The following SLC24A3 variants were observed in gnomAD, a reference collection of about 807,000 sequenced individuals.
SLC24A3 encodes solute carrier family 24 member 3.
In SLC24A3, 28 loss-of-function variants were observed where a neutral mutation model predicts 75.8. The ratio of observed to expected loss-of-function variants is 0.37; its 90% CI spans 0.27 to 0.51. SLC24A3 has a LOEUF of 0.51. Ranked by LOEUF, SLC24A3 falls within the 20% of genes least tolerant of loss-of-function variation. The pLI is 0.94. For synonymous variants in SLC24A3, 372 were observed against 334.1 expected, an observed-to-expected ratio of 1.11 and a Z score of -1.24; for missense variants, 663 against 847.8, an observed-to-expected ratio of 0.78 and a Z score of 2.71.
chr20:19,541,970 G>A (rs1272981185), intron 3 of SLC24A3, among the ~76,000 whole-genome samples: 2 of 152,170 alleles, frequency 1.3e-5, no homozygotes, highest in Non-Finnish European at 2.9e-5. Flanking sequence ...CTCAGCTCCT[G>A]CCCTTCCAGG....
chr20:19,498,756 A>G (rs1449175257), intron 2 of SLC24A3, among the ~76,000 whole-genome samples: 1 of 152,222 alleles, frequency 6.6e-6, no homozygotes, highest in Non-Finnish European at 1.5e-5. Context: ...CTCCCCCACC[A>G]AAAATGAAGA....
At chr20:19,515,619 G>T (rs1391971001) in intron 3 of SLC24A3, 55 bp downstream of exon 3, 1 of 1,578,060 alleles carries the variant, frequency 6.3e-7, no homozygotes, top group African/African-American at 1.3e-5. Flanking sequence ...GCCTAGGGGT[G>T]TGGGGTGTGG....
At chr20:19,683,458 A>G (rs184399490) in intron 10 of SLC24A3, among the ~76,000 whole-genome samples, 18 of 152,330 alleles carry the variant, frequency 1.2e-4, no homozygotes, top group Admixed American at 7.8e-4. Context: ...CTGGTGAACT[A>G]TCACACAAGA....
At chr20:19,464,094 C>G (rs1987724168) in intron 2 of SLC24A3, among the ~76,000 whole-genome samples, 1 of 152,222 alleles carries the variant, frequency 6.6e-6, no homozygotes, top group South Asian at 2.1e-4. Flanking sequence ...TCAGTAGAAC[C>G]TGGAGAAAGG....
At chr20:19,534,973 T>C (rs1489025104) in intron 3 of SLC24A3, among the ~76,000 whole-genome samples, 1 of 152,254 alleles carries the variant, frequency 6.6e-6, no homozygotes, top group East Asian at 1.9e-4. Context: ...GCAGGGTTTC[T>C]CACAAACTTT....
chr20:19,615,779 G>A lies in SLC24A3; in HGVS notation c.612+30235G>A, dbSNP rs187969426. 2.8e-3 allele frequency among the ~76,000 whole-genome samples: 422 copies of A among 152,266 alleles called. 1 individual carries two copies. Among genetic ancestry groups the A allele is most frequent in the Non-Finnish European group, 4.4e-3 (297 of 68,026 alleles). ...CTGTTCCTCCTGCCCTTGGACATCA[G>A]ACTCCAGGTTCTTTGGCCTTTGGAC... On this transcript the variant is annotated intron_variant, in intron 6 of 16. Transcript: ENST00000328041.
At chr20:19,488,263 G>T (rs1177532526) in intron 2 of SLC24A3, among the ~76,000 whole-genome samples, 5 of 152,200 alleles carry the variant, frequency 3.3e-5, no homozygotes, top group African/African-American at 1.2e-4. Context: ...TTGGAGCAGG[G>T]ACTTGGCCCT....
chr20:19,664,780 T>C (rs1357761400), intron 7 of SLC24A3, among the ~76,000 whole-genome samples: 2 of 152,234 alleles, frequency 1.3e-5, no homozygotes, highest in Non-Finnish European at 2.9e-5. Context: ...CTTCAGGAGT[T>C]TGAGAAGAAA....
At chr20:19,334,201 G>A (rs571024203) in intron 2 of SLC24A3, among the ~76,000 whole-genome samples, 2 of 152,302 alleles carry the variant, frequency 1.3e-5, no homozygotes, top group South Asian at 2.1e-4. Context: ...AAGGTCCTGA[G>A]AGCCAGACTG....
intron 2 of SLC24A3, among the ~76,000 whole-genome samples, chr20:19,511,560 CT>C (rs1988538516): frequency 6.6e-6 from 1 of 152,166 alleles, no homozygotes; most frequent in Admixed American, 6.5e-5. Flanking sequence ...ATCTCCTGAC[CT>C]TGTGATCCGC....
Position 19,278,207 on chromosome 20 carries a change from A to G in SLC24A3, c.143-2752A>G, listed in dbSNP as rs560848360. ...CTTCAACCAATGTTAGACTAGGAGT[A>G]GGTGGATGAATACCTAAGCTTCCTC... On this transcript the variant is annotated intron_variant, in intron 1 of 16. Transcript: ENST00000328041. Among the ~76,000 whole-genome samples, 3 of 152,326 alleles carry G rather than the reference A, an allele frequency of 2.0e-5. No individual in the cohort carries two copies. The South Asian group carries it at 6.2e-4, about 32-fold the overall frequency.
rs536705259 is a variant in SLC24A3, at chr20:19,650,896, T to C, written c.613-3166T>C. On this transcript the variant is annotated intron_variant, in intron 6 of 16. Coordinates refer to ENST00000328041, the MANE Select transcript of SLC24A3 (RefSeq NM_020689.4). The stretch of plus-strand genomic sequence containing the variant: ...TCTTCTTTCTGTACGTTCAAAATTA[T>C]CAACTGTTTCATCAATTTTGTCCTT... Among the ~76,000 whole-genome samples, 3 of 152,316 alleles carry C rather than the reference T, an allele frequency of 2.0e-5. No homozygotes were observed. The East Asian group carries it at 5.8e-4, about 29-fold the overall frequency.
chr20:19,673,686 CT>C, intron 9 of SLC24A3, 32 bp downstream of exon 9: 2 of 1,568,306 alleles, frequency 1.3e-6, no homozygotes, highest in Non-Finnish European at 1.8e-6. Context: ...TTATCCAAAA[CT>C]GTTTCTTGCA....
intron 3 of SLC24A3, among the ~76,000 whole-genome samples, chr20:19,570,980 G>A (rs559838632): frequency 1.3e-5 from 2 of 152,126 alleles, no homozygotes; most frequent in Non-Finnish European, 2.9e-5. Flanking sequence ...TTGAGGCCTG[G>A]TAGAGGTTAG....
At position 19,640,054 on chromosome 20, in the gene SLC24A3, G is replaced by A. The variant is rs546269556; in HGVS notation, c.613-14008G>A. 5.2e-3 allele frequency among the ~76,000 whole-genome samples: 794 copies of A among 152,352 alleles called. 2 individuals are homozygous for A. The highest frequency in any genetic ancestry group is 0.031 in the Middle Eastern group (9 of 292). The stretch of plus-strand genomic sequence containing the variant: ...CTGCAAGCTGAGGGAGCCTGCTGGG[G>A]CCTTGATCAGCCCAGAAAGGGGCTC... On this transcript the variant is annotated intron_variant, in intron 6 of 16. Coordinates refer to ENST00000328041, the MANE Select transcript of SLC24A3 (RefSeq NM_020689.4).
intron 2 of SLC24A3, among the ~76,000 whole-genome samples, chr20:19,471,747 C>T (rs2122507420): frequency 6.6e-6 from 1 of 152,104 alleles, no homozygotes; most frequent in South Asian, 2.1e-4. Flanking sequence ...GTTTCCTTCC[C>T]TCCATACCCT....
chr20:19,398,066 CT>C (rs1157354623), intron 2 of SLC24A3, among the ~76,000 whole-genome samples: 2 of 152,062 alleles, frequency 1.3e-5, no homozygotes, highest in Non-Finnish European at 2.9e-5. Flanking sequence ...TAAATTATTA[CT>C]TTTTACTTAT....
At chr20:19,354,888 A>G (rs1290085847) in intron 2 of SLC24A3, among the ~76,000 whole-genome samples, 1 of 152,152 alleles carries the variant, frequency 6.6e-6, no homozygotes, top group East Asian at 1.9e-4. Flanking sequence ...GGTTCTTGCC[A>G]GCCTCTCCCC....
chr20:19,362,602 G>T (rs1224723113), intron 2 of SLC24A3, among the ~76,000 whole-genome samples: 1 of 152,166 alleles, frequency 6.6e-6, no homozygotes, highest in Non-Finnish European at 1.5e-5. Context: ...AATGAATATT[G>T]GTTTATCGTT....
Sources: allele counts gnomAD v4.1 joint callset (sites outside exome capture counted in the v4.1 genomes callset), GRCh38; gene constraint gnomAD v4.1.1; transcripts MANE v1.5; gene names NCBI Gene and HGNC (gene_info 2026-07-23, HGNC 2026-07-21).